The following FOXP1 variants were observed in gnomAD, a reference collection of about 807,000 sequenced individuals.
FOXP1 encodes the protein forkhead box protein P1.
A neutral mutation model predicts 98.2 loss-of-function variants in FOXP1; 15 were observed. That is an observed-to-expected ratio of 0.15 (90% CI 0.10 to 0.24). The LOEUF (loss-of-function observed/expected upper bound fraction) is 0.24, where lower values mean the gene tolerates loss of function less well. Among genes scored for constraint, FOXP1 ranks in the 10% least tolerant of loss-of-function variants. The pLI is 1.00. For synonymous variants in FOXP1, 371 were observed against 314.5 expected (o/e 1.18, Z -1.90); for missense variants, 633 against 848.5 (o/e 0.75, Z 3.15).
intron 5 of FOXP1, among the ~76,000 whole-genome samples, chr3:71,248,100 A>T (rs1169854509): frequency 6.6e-6 from 1 of 152,200 alleles, no homozygotes; most frequent in Non-Finnish European, 1.5e-5. Context: ...CAATTACACA[A>T]GCCAATTAAA....
intron 2 of FOXP1, among the ~76,000 whole-genome samples, chr3:71,513,624 T>C (rs1265497654): frequency 6.6e-6 from 1 of 152,168 alleles, no homozygotes; most frequent in Non-Finnish European, 1.5e-5. Flanking sequence ...AAGTTGATTA[T>C]ACAAAATGGG....
At chr3:71,265,487 C>G (rs2069549243) in intron 5 of FOXP1, among the ~76,000 whole-genome samples, 1 of 152,188 alleles carries the variant, frequency 6.6e-6, no homozygotes, top group Non-Finnish European at 1.5e-5. Flanking sequence ...TAGCTCACCT[C>G]CAGGCCTGGA....
chr3:71,102,166 G>A (rs944152616), intron 7 of FOXP1, among the ~76,000 whole-genome samples: 3 of 152,060 alleles, frequency 2.0e-5, no homozygotes, highest in East Asian at 1.9e-4. Context: ...TTTTGAGAGC[G>A]ACTAAATATG....
chr3:71,260,069 C>T (rs1423347899), intron 5 of FOXP1, among the ~76,000 whole-genome samples: 1 of 152,192 alleles, frequency 6.6e-6, no homozygotes, highest in Non-Finnish European at 1.5e-5. Context: ...CTGCAAGCTC[C>T]GCCTCCCGGG....
intron 3 of FOXP1, among the ~76,000 whole-genome samples, chr3:71,378,247 C>T (rs2079877058): frequency 6.6e-6 from 1 of 151,944 alleles, no homozygotes; most frequent in Non-Finnish European, 1.5e-5. Context: ...GTATCAGTAA[C>T]TAACAGAACA....
intron 6 of FOXP1, among the ~76,000 whole-genome samples, chr3:71,164,250 A>C (rs2061292673): frequency 6.6e-6 from 1 of 151,944 alleles, no homozygotes; most frequent in African/African-American, 2.4e-5. Context: ...CCCAGGCTGG[A>C]GTGCAGTGGC....
intron 3 of FOXP1, among the ~76,000 whole-genome samples, chr3:71,369,711 C>G (rs1036362974): frequency 6.6e-6 from 1 of 152,228 alleles, no homozygotes; most frequent in South Asian, 2.1e-4. Context: ...GTCTTAATAT[C>G]CGGTGTAACC....
intron 3 of FOXP1, among the ~76,000 whole-genome samples, chr3:71,439,373 G>C (rs2085687059): frequency 6.6e-6 from 1 of 152,178 alleles, no homozygotes; most frequent in South Asian, 2.1e-4. Flanking sequence ...AGAAAGGGTG[G>C]GGAGGGGTCT....
intron 2 of FOXP1, among the ~76,000 whole-genome samples, chr3:71,517,250 C>T (rs1027043831): frequency 1.3e-5 from 2 of 151,880 alleles, no homozygotes; most frequent in Non-Finnish European, 2.9e-5. Flanking sequence ...AACACATCTG[C>T]AAGTCCAAGT....
At chr3:71,130,747 T>C (rs749104884) in intron 6 of FOXP1, 30 of 1,460,518 alleles carry the variant, frequency 2.1e-5, no homozygotes, top group African/African-American at 5.7e-5. Context: ...TCTCACTAAA[T>C]GACAAAGAAA....
chr3:71,548,066 G>T (rs2045500443), intron 2 of FOXP1, among the ~76,000 whole-genome samples: 1 of 152,148 alleles, frequency 6.6e-6, no homozygotes, highest in Non-Finnish European at 1.5e-5. Flanking sequence ...CTTTGGCTGG[G>T]GCCTCTCAAT....
Position 71,024,195 on chromosome 3 carries a change from C to T in FOXP1, c.870-8542G>A, listed in dbSNP as rs542474810. Reference sequence around the variant, plus strand: ...AGATGAAACGTGGGAACAGGAGAAACGACGATGCAAGGGCCGCATGCGTTT... The same window carrying T: ...AGATGAAACGTGGGAACAGGAGAAATGACGATGCAAGGGCCGCATGCGTTT... On this transcript the variant is annotated intron_variant, in intron 11 of 20. Coordinates refer to ENST00000649528, the MANE Select transcript of FOXP1 (RefSeq NM_001349338.3). Among the ~76,000 whole-genome samples the T allele has an allele frequency of 9.2e-5, 14 of 152,238 alleles. No individual in the cohort carries two copies. The East Asian group carries it at 1.4e-3, about 15-fold the overall frequency.
rs572896560 is a variant in FOXP1, at chr3:71,253,836, G to A, written c.-12+45984C>T. The stretch of plus-strand genomic sequence containing the variant: ...AAATGTAATTAATTAAATATATGTA[G>A]CACTAACATTTAAAAAAATGTTATA... On this transcript the variant is annotated intron_variant, in intron 5 of 20. Transcript: ENST00000649528. Among the ~76,000 whole-genome samples, 430 of 152,060 alleles carry A rather than the reference G, an allele frequency of 2.8e-3. 1 individual carries two copies. Among genetic ancestry groups the A allele is most frequent in the African/African-American group, 9.8e-3 (406 of 41,446 alleles).
intron 19 of FOXP1, chr3:70,966,292 G>A: frequency 1.8e-6 from 1 of 546,522 alleles, no homozygotes; most frequent in Non-Finnish European, 3.3e-6. Flanking sequence ...CTGTGGGTAG[G>A]AAGGACTCAA....
chr3:71,415,717 T>TC (rs1469330473), intron 3 of FOXP1, among the ~76,000 whole-genome samples: 1 of 151,858 alleles, frequency 6.6e-6, no homozygotes, highest in East Asian at 1.9e-4. Flanking sequence ...TTTTTTTTTT[T>TC]CTATTAAGGG....
At chr3:71,082,615 AAAGTAT>A (rs1478957550) in intron 7 of FOXP1, among the ~76,000 whole-genome samples, 1 of 90,216 alleles carries the variant, frequency 1.1e-5, no homozygotes, top group African/African-American at 3.7e-5. Context: ...CCCAGAACTT[AAAGTAT>A]AATAAAATAA....
chr3:71,105,985 TA>T (rs1383625605), intron 7 of FOXP1, among the ~76,000 whole-genome samples: 5 of 152,142 alleles, frequency 3.3e-5, no homozygotes, highest in African/African-American at 1.2e-4. Context: ...TAAACACACA[TA>T]AAAAGAGAGG....
At chr3:71,027,063 G>A (rs1197234939) in intron 11 of FOXP1, among the ~76,000 whole-genome samples, 2 of 152,186 alleles carry the variant, frequency 1.3e-5, no homozygotes, top group Non-Finnish European at 2.9e-5. Context: ...TAAGAAAACA[G>A]AATGCTTTCC....
At chr3:71,478,311 T>A (rs1265254194) in intron 3 of FOXP1, among the ~76,000 whole-genome samples, 1 of 152,106 alleles carries the variant, frequency 6.6e-6, no homozygotes, top group African/African-American at 2.4e-5. Flanking sequence ...TATTTCACAA[T>A]GAGAAAAAAA....
Sources: allele counts gnomAD v4.1 joint callset (sites outside exome capture counted in the v4.1 genomes callset), GRCh38; gene constraint gnomAD v4.1.1; transcripts MANE v1.5; gene names NCBI Gene and HGNC (gene_info 2026-07-23, HGNC 2026-07-21).